FKBP5: variants seen among roughly 807,000 people sequenced by gnomAD.
The protein encoded by FKBP5 is FKBP prolyl isomerase 5.
Under a neutral mutation model 50.5 loss-of-function variants are expected in FKBP5, and 23 were observed. That is an observed-to-expected ratio of 0.46 (90% CI 0.33 to 0.65). FKBP5 has a LOEUF of 0.65. Among genes scored for constraint, FKBP5 ranks in the 30% least tolerant of loss-of-function variants. The probability of loss-of-function intolerance (pLI) is 0.02; values close to 1 mark genes in which losing one functional copy is unlikely to be tolerated. For synonymous variants in FKBP5, 176 were observed against 190.6 expected, an observed-to-expected ratio of 0.92 and a Z score of 0.63; for missense variants, 411 against 553.1, an observed-to-expected ratio of 0.74 and a Z score of 2.58.
intron 5 of FKBP5, among the ~76,000 whole-genome samples, chr6:35,603,432 C>T: frequency 6.6e-6 from 1 of 152,212 alleles, no homozygotes; most frequent in East Asian, 1.9e-4. Flanking sequence ...AGTTCAGGGC[C>T]AGCAAGTAAA....
intron 1 of FKBP5, among the ~76,000 whole-genome samples, chr6:35,725,469 G>C (rs1766688782): frequency 6.6e-6 from 1 of 152,208 alleles, no homozygotes; most frequent in Admixed American, 6.5e-5. Flanking sequence ...AGACTCCACA[G>C]CTTTAGAGGC....
intron 3 of FKBP5, among the ~76,000 whole-genome samples, chr6:35,628,490 G>A (rs1764063081): frequency 6.6e-6 from 1 of 152,110 alleles, no homozygotes; most frequent in African/African-American, 2.4e-5. Flanking sequence ...TAAGCTTCAG[G>A]TAATAAAAAT....
intron 2 of FKBP5, among the ~76,000 whole-genome samples, chr6:35,711,199 C>A (rs1224718446): frequency 5.3e-5 from 8 of 151,864 alleles, no homozygotes; most frequent in Non-Finnish European, 1.2e-4. Flanking sequence ...CACCTGTAGT[C>A]CCAGCTACTT....
chr6:35,584,586 C>T, intron 8 of FKBP5: 1 of 985,456 alleles, frequency 1.0e-6, no homozygotes, highest in Non-Finnish European at 1.2e-6. Context: ...AAACTATCTA[C>T]TAACCATTTT....
chr6:35,640,568 AT>A (rs1254810327), intron 2 of FKBP5, among the ~76,000 whole-genome samples: 1 of 152,162 alleles, frequency 6.6e-6, no homozygotes, highest in Non-Finnish European at 1.5e-5. Context: ...TTATTTTAAA[AT>A]TTTTCTTCTT....
At chr6:35,668,024 C>A (rs1162409340) in intron 1 of FKBP5, among the ~76,000 whole-genome samples, 1 of 151,954 alleles carries the variant, frequency 6.6e-6, no homozygotes, top group African/African-American at 2.4e-5. Context: ...TAAGAACATT[C>A]AAAAAGGGAA....
chr6:35,642,336 G>C (rs1764515767), intron 2 of FKBP5, among the ~76,000 whole-genome samples: 1 of 152,190 alleles, frequency 6.6e-6, no homozygotes, highest in South Asian at 2.1e-4. Context: ...AGTGGCTCGT[G>C]CCTATAATCC....
intron 3 of FKBP5, among the ~76,000 whole-genome samples, chr6:35,636,509 G>T (rs1208673441): frequency 6.6e-6 from 1 of 152,104 alleles, no homozygotes; most frequent in Non-Finnish European, 1.5e-5. Flanking sequence ...TCATACTTTG[G>T]GGGACAGAAG....
At chr6:35,708,019 A>T (rs940076231) in intron 2 of FKBP5, among the ~76,000 whole-genome samples, 2 of 152,182 alleles carry the variant, frequency 1.3e-5, no homozygotes, top group African/African-American at 4.8e-5. Context: ...GTGTGGGAAA[A>T]TATTATTGGT....
At chr6:35,597,696 G>A (rs1410558275) in intron 5 of FKBP5, among the ~76,000 whole-genome samples, 1 of 152,134 alleles carries the variant, frequency 6.6e-6, no homozygotes, top group East Asian at 1.9e-4. Flanking sequence ...TGTGACAGAA[G>A]TTTCCTCACC....
At chr6:35,595,812 A>G (rs557789150) in intron 6 of FKBP5, among the ~76,000 whole-genome samples, 1 of 152,280 alleles carries the variant, frequency 6.6e-6, no homozygotes, top group East Asian at 1.9e-4. Flanking sequence ...TCTATGCTCT[A>G]TCTGAATTTT....
intron 1 of FKBP5, among the ~76,000 whole-genome samples, chr6:35,645,260 G>A (rs1764599381): frequency 6.6e-6 from 1 of 152,122 alleles, no homozygotes; most frequent in African/African-American, 2.4e-5. Context: ...CTACACTCCT[G>A]AAAAAATGTT....
chr6:35,689,863 A>C (rs1271005703), upstream of FKBP5, among the ~76,000 whole-genome samples: 1 of 152,106 alleles, frequency 6.6e-6, no homozygotes, highest in Non-Finnish European at 1.5e-5. Flanking sequence ...AAAACGGCTG[A>C]GTTCTTCCGC....
At chr6:35,640,472 C>G (rs142175265) in intron 2 of FKBP5, among the ~76,000 whole-genome samples, 4 of 152,136 alleles carry the variant, frequency 2.6e-5, no homozygotes, top group Non-Finnish European at 5.9e-5. Context: ...GATGAGTCAG[C>G]GAGTGAGCAG....
intron 8 of FKBP5, chr6:35,586,279 C>T: frequency 8.1e-6 from 8 of 985,066 alleles, no homozygotes; most frequent in Non-Finnish European, 9.6e-6. Context: ...CCTAGTTGCT[C>T]CAAGAAGGGT....
chr6:35,713,077 T>TAAAAAAA (rs34258638), intron 2 of FKBP5, among the ~76,000 whole-genome samples: 3 of 52,948 alleles, frequency 5.7e-5, no homozygotes, highest in African/African-American at 8.6e-5. Flanking sequence ...ATCTGGTCTC[T>TAAAAAAA]AAAAAAAAAA....
At chr6:35,633,324 C>A (rs1764217445) in intron 3 of FKBP5, among the ~76,000 whole-genome samples, 1 of 152,088 alleles carries the variant, frequency 6.6e-6, no homozygotes, top group East Asian at 1.9e-4. Flanking sequence ...AGGCGGATCA[C>A]CTGAGCTCAA....
intron 2 of FKBP5, among the ~76,000 whole-genome samples, chr6:35,697,863 G>A (rs1364450902): frequency 6.6e-6 from 1 of 152,220 alleles, no homozygotes; most frequent in Non-Finnish European, 1.5e-5. Context: ...TACACTTTAA[G>A]TGGGTGAACT....
chr6:35,596,684 A>G (rs1228255810), intron 6 of FKBP5, among the ~76,000 whole-genome samples: 4 of 152,172 alleles, frequency 2.6e-5, no homozygotes, highest in African/African-American at 9.7e-5. Context: ...TTCACAAGAG[A>G]GACTGTCAGT....
Sources: allele counts gnomAD v4.1 joint callset (sites outside exome capture counted in the v4.1 genomes callset), GRCh38; gene constraint gnomAD v4.1.1; transcripts MANE v1.5; gene names NCBI Gene and HGNC (gene_info 2026-07-23, HGNC 2026-07-21).